CRB1: variants seen among roughly 807,000 people sequenced by gnomAD.
The protein encoded by CRB1 is protein crumbs homolog 1.
In CRB1, 83 loss-of-function variants were observed where a neutral mutation model predicts 120.0. That is an observed-to-expected ratio of 0.69 (90% CI 0.58 to 0.83). The LOEUF is 0.83. Ranked by LOEUF, CRB1 falls within the 40% of genes least tolerant of loss-of-function variation. CRB1 has a pLI of 0.00. For synonymous variants in CRB1, 625 were observed against 612.5 expected (o/e 1.02, Z -0.30); for missense variants, 1,699 against 1,687.6 (o/e 1.01, Z -0.12).
At chr1:197,294,824 C>T (rs1656422200) in intron 1 of CRB1, among the ~76,000 whole-genome samples, 1 of 152,042 alleles carries the variant, frequency 6.6e-6, no homozygotes, top group Non-Finnish European at 1.5e-5. Context: ...CCAAACACCG[C>T]ATGTTCTCAC....
At chr1:197,226,704 T>G in the CRB1 span, among the ~76,000 whole-genome samples, 1 of 152,118 alleles carries the variant, frequency 6.6e-6, no homozygotes, top group African/African-American at 2.4e-5. Context: ...GAAGGCCATG[T>G]GAGGTTGTTT....
chr1:197,297,853 T>G (rs1376899202), intron 1 of CRB1, among the ~76,000 whole-genome samples: 1 of 152,032 alleles, frequency 6.6e-6, no homozygotes, highest in East Asian at 1.9e-4. Flanking sequence ...GATAGAGAGA[T>G]AAGATAATTC....
chr1:197,226,340 G>GT, the CRB1 span, among the ~76,000 whole-genome samples: 3 of 152,194 alleles, frequency 2.0e-5, no homozygotes, highest in Non-Finnish European at 4.4e-5. Flanking sequence ...TCTACCTGAA[G>GT]TCCAAAATTA....
At chr1:197,221,975 G>T in the CRB1 span, among the ~76,000 whole-genome samples, 1 of 152,124 alleles carries the variant, frequency 6.6e-6, no homozygotes, top group East Asian at 1.9e-4. Flanking sequence ...TTGCTCACAG[G>T]AATATCTATA....
the CRB1 span, among the ~76,000 whole-genome samples, chr1:197,259,982 C>CT: frequency 7.0e-5 from 10 of 142,548 alleles, no homozygotes; most frequent in Non-Finnish European, 1.4e-4. Context: ...GGCCCCATGT[C>CT]TAAAAAAAAA....
chr1:197,250,152 GTATTC>G, the CRB1 span, among the ~76,000 whole-genome samples: 1 of 151,880 alleles, frequency 6.6e-6, no homozygotes, highest in Non-Finnish European at 1.5e-5. Flanking sequence ...AGTCACACCT[GTATTC>G]TATTCTACAG....
At chr1:197,298,114 T>G (rs931564326) in intron 1 of CRB1, among the ~76,000 whole-genome samples, 1 of 152,152 alleles carries the variant, frequency 6.6e-6, no homozygotes, top group African/African-American at 2.4e-5. Flanking sequence ...GTTATGTACT[T>G]TGCTTCTTTT....
intron 1 of CRB1, among the ~76,000 whole-genome samples, chr1:197,281,149 A>G (rs1284859037): frequency 6.6e-6 from 1 of 151,904 alleles, no homozygotes; most frequent in Non-Finnish European, 1.5e-5. Context: ...ATTGATTCTT[A>G]AAGTGTGGCA....
the CRB1 span, among the ~76,000 whole-genome samples, chr1:197,251,768 G>T: frequency 1.3e-5 from 2 of 151,782 alleles, no homozygotes; most frequent in East Asian, 3.9e-4. Flanking sequence ...TTATGTGTTT[G>T]TGCACACATG....
At chr1:197,215,000 G>T in the CRB1 span, among the ~76,000 whole-genome samples, 1 of 152,112 alleles carries the variant, frequency 6.6e-6, no homozygotes, top group South Asian at 2.1e-4. Flanking sequence ...TTGATCAAGT[G>T]GTATTTTATC....
chr1:197,429,419 T>C (rs759210691), intron 7 of CRB1, 30 bp from the exon 8 acceptor site: 3 of 1,613,634 alleles, frequency 1.9e-6, no homozygotes, highest in South Asian at 2.2e-5. Flanking sequence ...TGCCAGTGCT[T>C]TTTATACCTT....
At chr1:197,283,838 A>G in intron 1 of CRB1, among the ~76,000 whole-genome samples, 1 of 151,592 alleles carries the variant, frequency 6.6e-6, no homozygotes, top group African/African-American at 2.4e-5. Context: ...TTTAAAAATA[A>G]TTTAGTTATT....
chr1:197,291,673 T>A (rs1656190147), intron 1 of CRB1, among the ~76,000 whole-genome samples: 1 of 151,884 alleles, frequency 6.6e-6, no homozygotes, highest in African/African-American at 2.4e-5. Context: ...CCAGAGTCCT[T>A]AGCATGCATA....
intron 1 of CRB1, among the ~76,000 whole-genome samples, chr1:197,318,713 C>T (rs192818611): frequency 4.6e-5 from 7 of 152,214 alleles, no homozygotes; most frequent in African/African-American, 1.7e-4. Context: ...ACCTGGATGA[C>T]ATTATGTTAA....
chr1:197,273,818 T>C (rs1399111794), intron 1 of CRB1, among the ~76,000 whole-genome samples: 5 of 152,072 alleles, frequency 3.3e-5, no homozygotes, highest in African/African-American at 1.2e-4. Context: ...ACAATCCCTT[T>C]CAGACTGATC....
chr1:197,209,609 A>G, the CRB1 span, among the ~76,000 whole-genome samples: 1 of 151,942 alleles, frequency 6.6e-6, no homozygotes, highest in Non-Finnish European at 1.5e-5. Context: ...CAGCCTCCCA[A>G]AGTGCTGGGA....
the CRB1 span, among the ~76,000 whole-genome samples, chr1:197,260,514 A>C: frequency 6.6e-6 from 1 of 151,958 alleles, no homozygotes; most frequent in Non-Finnish European, 1.5e-5. Flanking sequence ...AAGCCTGATA[A>C]GAAAAAAAAG....
chr1:197,435,323 T>A lies in CRB1; in HGVS notation c.3460T>A (p.Cys1154Ser). Residue 1154 changes from cysteine (C) to serine (S), a missense_variant, in exon 9 of 12, where the codon TGT becomes AGT. Physicochemically the swap from Cys to Ser is moderately radical, Grantham distance 112. Coordinates refer to ENST00000367400, the MANE Select transcript of CRB1 (RefSeq NM_201253.3). ...CAACCCCTGTTTGCATGGAGGAAACTGTGAAGACATCTATAGCTCTTATCA... is the reference window on the plus strand; with the variant it reads ...CAACCCCTGTTTGCATGGAGGAAACAGTGAAGACATCTATAGCTCTTATCA... Reference protein sequence around the residue: ...NSNPCLHGGNCEDIYSSYHCS... With the variant: ...NSNPCLHGGNSEDIYSSYHCS... 6.2e-7 allele frequency: 1 copy of A among 1,613,808 alleles called. No homozygotes were observed. Among genetic ancestry groups the A allele is most frequent in the Non-Finnish European group, 8.5e-7 (1 of 1,179,830 alleles).
chr1:197,312,941 ATTGT>A (rs1229398238), intron 1 of CRB1, among the ~76,000 whole-genome samples: 1 of 152,108 alleles, frequency 6.6e-6, no homozygotes, highest in Non-Finnish European at 1.5e-5. Context: ...TTGACACATC[ATTGT>A]TTGTATTAGT....
Sources: allele counts gnomAD v4.1 joint callset (sites outside exome capture counted in the v4.1 genomes callset), GRCh38; gene constraint gnomAD v4.1.1; transcripts MANE v1.5; gene names NCBI Gene and HGNC (gene_info 2026-07-23, HGNC 2026-07-21).